Variants in PLIN2 observed in about 807,000 individuals in gnomAD.
PLIN2 encodes perilipin-2.
Under a neutral mutation model 30.6 loss-of-function variants are expected in PLIN2, and 33 were observed. The ratio of observed to expected loss-of-function variants is 1.08; its 90% CI spans 0.82 to 1.44. PLIN2 has a LOEUF of 1.44. Among genes scored for constraint, PLIN2 ranks in the 40% most tolerant of loss-of-function variants. The probability of loss-of-function intolerance (pLI) is 0.00; values close to 1 mark genes in which losing one functional copy is unlikely to be tolerated. For missense variants in PLIN2, 610 were observed against 531.8 expected (o/e 1.15, Z -1.45); for synonymous variants, 205 against 201.1 (o/e 1.02, Z -0.16).
At chr9:19,113,761 G>C (rs1337964055), downstream of PLIN2, among the ~76,000 whole-genome samples, 2 of 143,810 alleles carry the variant, frequency 1.4e-5, no homozygotes, top group African/African-American at 2.6e-5. Context: ...GTTTTTTGTT[G>C]TTGTTATTTT....
chr9:19,126,391 T>C lies in PLIN2; in HGVS notation c.30+6A>G, dbSNP rs1426112131. ...AAAGTAGACAAAGGCTACTCAAAAT[T>C]CATACCGGTTGTGGATCAACTGCAA... On this transcript the variant is annotated splice_donor_region_variant and intron_variant, in intron 2 of 7. Coordinates refer to ENST00000276914, the MANE Select transcript of PLIN2 (RefSeq NM_001122.4). The C allele has an allele frequency of 1.9e-6, 3 of 1,613,968 alleles. No individual in the cohort carries two copies. The highest frequency in any genetic ancestry group is 1.7e-5 in the Admixed American group (1 of 59,988).
rs746213143 is a variant in PLIN2 at position 19,120,861 on chromosome 9, A to C, written c.595+19T>G. On this transcript the variant is annotated intron_variant, in intron 5 of 7. Coordinates refer to ENST00000276914, the MANE Select transcript of PLIN2 (RefSeq NM_001122.4). Reference sequence around the variant, plus strand: ...AAGATTTAATATAAAACAGTATTTCAAGATAAAATTCCAGTTACCTAGTTC... The same window carrying C: ...AAGATTTAATATAAAACAGTATTTCCAGATAAAATTCCAGTTACCTAGTTC... 4.4e-6 allele frequency: 7 copies of C among 1,587,232 alleles called. No homozygotes were observed. Among genetic ancestry groups the C allele is most frequent in the Non-Finnish European group, 6.1e-6 (7 of 1,155,750 alleles).
downstream of PLIN2, among the ~76,000 whole-genome samples, chr9:19,112,760 CAAAT>C (rs1564028139): frequency 2.0e-5 from 3 of 147,142 alleles, no homozygotes; most frequent in East Asian, 2.0e-4. Context: ...GACATGTTGA[CAAAT>C]GAATGAAATG....
At chr9:19,123,291 C>G (rs1342783711) in intron 4 of PLIN2, 3 of 1,414,488 alleles carry the variant, frequency 2.1e-6, no homozygotes, top group South Asian at 1.3e-5. Flanking sequence ...TTACTTGAGA[C>G]AGCAATTTCA....
intron 3 of PLIN2, chr9:19,125,866 T>G: frequency 2.9e-6 from 1 of 343,580 alleles, no homozygotes; most frequent in Non-Finnish European, 5.3e-6. Flanking sequence ...GAGGTTGCAG[T>G]GAGCCAAGAC....
At position 19,119,780 on chromosome 9, in the gene PLIN2, T is replaced by C. The variant is rs778032389; in HGVS notation, c.647A>G (p.Tyr216Cys). ...EGFDLVQKPS[Y>C]YVRLGSLSTK... is the part of the protein sequence containing the mutation. The stretch of plus-strand genomic sequence containing the variant: ...AGACAGGGATCCCAGTCTAACATAA[T>C]AACTTGGCTTCTGAACCAGATCAAA... The change falls in exon 6 of 8, where the codon TAT becomes TGT. Residue 216 changes from tyrosine (Y) to cysteine (C), a missense_variant. By Grantham distance (194) the Tyr-to-Cys change is radical. Coordinates refer to ENST00000276914, the MANE Select transcript of PLIN2 (RefSeq NM_001122.4). The C allele has an allele frequency of 6.2e-6, 10 of 1,604,730 alleles. No homozygotes were observed. Among genetic ancestry groups the C allele is most frequent in the South Asian group, 1.1e-5 (1 of 90,232 alleles).
chr9:19,126,751 T>A (rs1324194462), intron 1 of PLIN2, among the ~76,000 whole-genome samples: 1 of 152,128 alleles, frequency 6.6e-6, no homozygotes, highest in Non-Finnish European at 1.5e-5. Context: ...TTAACAAAAA[T>A]GCTAGCCAAG....
Position 19,123,490 on chromosome 9 carries a change from G to C in PLIN2, c.309+75C>G, listed in dbSNP as rs749988327. 4.4e-6 allele frequency: 7 copies of C among 1,608,794 alleles called. No individual in the cohort carries two copies. In the South Asian group the frequency reaches 7.8e-5, roughly 18 times the overall value. ...ACAAGTATTTGCCTGTTTGTGATAT[G>C]TACAGCTTGTTTTAACAGATAGAAG... On this transcript the variant is annotated intron_variant, in intron 4 of 7. Coordinates refer to ENST00000276914, the MANE Select transcript of PLIN2 (RefSeq NM_001122.4).
chr9:19,117,603 A>G (rs1303817718), intron 7 of PLIN2, among the ~76,000 whole-genome samples: 1 of 150,242 alleles, frequency 6.7e-6, no homozygotes, highest in Non-Finnish European at 1.5e-5. Context: ...TGCCTGAGAT[A>G]GTCTTCCCAT....
chr9:19,116,639 G>A lies in PLIN2; in HGVS notation c.923C>T (p.Ser308Leu). The A allele has an allele frequency of 6.2e-7, 1 of 1,610,874 alleles. No homozygotes were observed. The highest frequency in any genetic ancestry group is 2.2e-5 in the East Asian group (1 of 44,808). Residue 308 changes from serine (S) to leucine (L), a missense_variant, in exon 8 of 8, where the codon TCA (serine) becomes TTA (leucine). Ser to Leu is a moderately radical substitution (Grantham distance 145). Transcript: ENST00000276914. Reference sequence around the variant, plus strand: ...GTTGCGGGCAATTGCAAGAGTACGTGACTCAATGTGCTAAAAATAAAACTT... The same window carrying A: ...GTTGCGGGCAATTGCAAGAGTACGTAACTCAATGTGCTAAAAATAAAACTT... ...DESHCAEHIE[S>L]RTLAIARNLT... is the part of the protein sequence containing the mutation.
downstream of PLIN2, among the ~76,000 whole-genome samples, chr9:19,113,464 C>G (rs1818182129): frequency 6.6e-6 from 1 of 152,168 alleles, no homozygotes; most frequent in African/African-American, 2.4e-5. Flanking sequence ...AAACCAGAAG[C>G]TCCTTATCTG....
intron 3 of PLIN2, among the ~76,000 whole-genome samples, chr9:19,124,735 C>T (rs1818369838): frequency 6.6e-6 from 1 of 152,060 alleles, no homozygotes; most frequent in Non-Finnish European, 1.5e-5. Flanking sequence ...TGGGTATATA[C>T]CAAAAAAACC....
rs937193893 is a variant in PLIN2 at position 19,118,263 on chromosome 9, GAA to G, written c.912+56_912+57del. 1.1e-5 allele frequency: 17 copies of G among 1,500,654 alleles called. 1 individual carries two copies. Among genetic ancestry groups the G allele is most frequent in the South Asian group, 6.5e-5 (5 of 77,214 alleles). 93.0% of individuals were successfully genotyped at this position (1,500,654 alleles called of 1,614,324 possible). A position where few individuals can be genotyped will look rare whatever the true frequency, so the allele number is the denominator to read the frequency against. On this transcript the variant is annotated intron_variant, in intron 7 of 7. Coordinates refer to ENST00000276914, the MANE Select transcript of PLIN2 (RefSeq NM_001122.4). ...AGACATAGTATGGAAAAATTGAAAT[GAA>G]AAGTCTGATAAGAACTTCTTCAGCA...
intron 4 of PLIN2, among the ~76,000 whole-genome samples, chr9:19,122,871 G>A (rs948852529): frequency 2.0e-5 from 3 of 152,134 alleles, no homozygotes; most frequent in Admixed American, 6.6e-5. Flanking sequence ...GTCTTCCATG[G>A]AACCAGTTCC....
rs1377692298 is a variant in PLIN2, at chr9:19,119,779, A to G, written c.648T>C (p.Tyr216=). The G allele has an allele frequency of 5.0e-6, 8 of 1,605,602 alleles. No homozygotes were observed. Among genetic ancestry groups the G allele is most frequent in the Non-Finnish European group, 6.8e-6 (8 of 1,174,200 alleles). The change falls in exon 6 of 8, where the codon TAT becomes TAC. Residue 216 remains tyrosine, a synonymous_variant. Transcript: ENST00000276914. The part of the protein sequence containing the change: ...EGFDLVQKPS[Y]YVRLGSLSTK... ...TAGACAGGGATCCCAGTCTAACATA[A>G]TAACTTGGCTTCTGAACCAGATCAA...
At chr9:19,116,746 G>T in intron 7 of PLIN2, 97 bp from the exon 8 acceptor site, 1 of 989,670 alleles carries the variant, frequency 1.0e-6, no homozygotes, top group Non-Finnish European at 1.5e-6. Flanking sequence ...CACATATGTG[G>T]ATTCTTTGGC....
downstream of PLIN2, among the ~76,000 whole-genome samples, chr9:19,113,591 T>G (rs982737889): frequency 1.3e-5 from 2 of 151,416 alleles, no homozygotes; most frequent in African/African-American, 4.9e-5. Context: ...TTTTTTTTTT[T>G]TTTTTTGAGA....
intron 7 of PLIN2, 69 bp from the exon 8 acceptor site, chr9:19,116,718 G>C (rs1564029399): frequency 7.5e-7 from 1 of 1,334,776 alleles, no homozygotes; most frequent in South Asian, 1.3e-5. Context: ...GATGACAGTA[G>C]GCTGGTTATG....
In PLIN2 at chr9:19,120,954, C is replaced by T. The variant is rs758119006; in HGVS notation, c.521G>A (p.Ser174Asn). Residue 174 changes from serine (S) to asparagine (N), a missense_variant, in exon 5 of 8, where the codon AGT becomes AAT. Ser to Asn is a conservative substitution (Grantham distance 46). Coordinates refer to ENST00000276914, the MANE Select transcript of PLIN2 (RefSeq NM_001122.4). The part of the protein sequence containing the change: ...LGSRMMQLVS[S>N]GVENALTKSE... ...TTTGGTGAGTGCATTTTCTACGCCA[C>T]TGCTCACGAGCTGCATCATCCGACT... 4 of 1,614,168 alleles carry T rather than the reference C, an allele frequency of 2.5e-6. No individual in the cohort carries two copies. The highest frequency in any genetic ancestry group is 3.4e-6 in the Non-Finnish European group (4 of 1,180,000).
Sources: allele counts gnomAD v4.1 joint callset (sites outside exome capture counted in the v4.1 genomes callset), GRCh38; gene constraint gnomAD v4.1.1; transcripts MANE v1.5; gene names NCBI Gene and HGNC (gene_info 2026-07-23, HGNC 2026-07-21).